Variants in DDX60L observed in about 807,000 individuals in gnomAD.
DDX60L encodes the protein DExD/H-box 60 like.
Under a neutral mutation model 211.6 loss-of-function variants are expected in DDX60L, and 191 were observed. The ratio of observed to expected loss-of-function variants is 0.90; its 90% CI spans 0.80 to 1.02. The LOEUF (loss-of-function observed/expected upper bound fraction) is 1.02. Among genes scored for constraint, DDX60L ranks in the 50% least tolerant of loss-of-function variants. The pLI, the probability that DDX60L is intolerant of heterozygous loss-of-function variation, is 0.00. For synonymous variants in DDX60L, 706 were observed against 694.1 expected (o/e 1.02, Z -0.27); for missense variants, 2,007 against 1,984.1 (o/e 1.01, Z -0.22).
intron 17 of DDX60L, among the ~76,000 whole-genome samples, chr4:168,421,346 A>G (rs1750568808): frequency 6.6e-6 from 1 of 152,236 alleles, no homozygotes; most frequent in Non-Finnish European, 1.5e-5. Flanking sequence ...TTAACATATG[A>G]GATGAAATAA....
In DDX60L at chr4:168,400,970, T is replaced by C. The variant is rs771230785; in HGVS notation, c.3347A>G (p.Asn1116Ser). The change falls in exon 26 of 38, where the codon AAT becomes AGT. Residue 1116 changes from asparagine to serine, a missense_variant. Physicochemically the swap from Asn to Ser is conservative, Grantham distance 46. Transcript: ENST00000682922. Reference sequence around the variant, plus strand: ...TCCAGCTCTTTTTCCCACATCATCATTCTTAAACCTTAAAACAAATGAAAA... The same window carrying C: ...TCCAGCTCTTTTTCCCACATCATCACTCTTAAACCTTAAAACAAATGAAAA... ...KLPAIFFLFK[N>S]DDVGKRAGSV... The C allele has an allele frequency of 6.2e-7, 1 of 1,611,986 alleles. No individual in the cohort carries two copies.
chr4:168,456,267 G>A (rs771468988), intron 6 of DDX60L, 115 bp from the exon 7 acceptor site: 83 of 488,528 alleles, frequency 1.7e-4, no homozygotes, highest in South Asian at 1.6e-3. Flanking sequence ...TTGACTAAAC[G>A]GAACTTCAAA....
At chr4:168,416,891 C>G (rs1406594018) in intron 19 of DDX60L, 94 bp from the exon 20 acceptor site, 8 of 642,950 alleles carry the variant, frequency 1.2e-5, no homozygotes, top group Non-Finnish European at 2.1e-5. Flanking sequence ...TTTCCAGTTT[C>G]CTATAAATGA....
At chr4:168,381,632 A>G (rs376494712) in intron 30 of DDX60L, among the ~76,000 whole-genome samples, 1 of 151,982 alleles carries the variant, frequency 6.6e-6, no homozygotes, top group African/African-American at 2.4e-5. Context: ...AAAGTAACAT[A>G]TAAGAATAAA....
chr4:168,413,644 G>T (rs577993993), intron 22 of DDX60L, among the ~76,000 whole-genome samples: 9 of 152,002 alleles, frequency 5.9e-5, no homozygotes, highest in African/African-American at 2.2e-4. Context: ...GTGAGCATTA[G>T]TGAGCCTGAA....
intron 1 of DDX60L, chr4:168,480,122 C>T (rs1256430821): frequency 6.6e-6 from 1 of 152,630 alleles, no homozygotes; most frequent in Admixed American, 6.5e-5. Context: ...ATCCCCAGGC[C>T]CCCTCGGGTG....
intron 16 of DDX60L, 92 bp downstream of exon 16, chr4:168,422,429 TAAG>T: frequency 8.3e-7 from 1 of 1,210,728 alleles, no homozygotes; most frequent in Non-Finnish European, 1.1e-6. Flanking sequence ...TAAACAAGAT[TAAG>T]AAGTTTATGC....
Position 168,458,749 on chromosome 4 carries a change from C to G in DDX60L, c.607-741G>C, listed in dbSNP as rs546849013. Reference sequence around the variant, plus strand: ...TGATAGGTGCAGCAAACCACCATGGCACACATTTACCTATGTAACAAACCT... The same window carrying G: ...TGATAGGTGCAGCAAACCACCATGGGACACATTTACCTATGTAACAAACCT... On this transcript the variant is annotated intron_variant, in intron 5 of 37. Coordinates refer to ENST00000682922, the MANE Select transcript of DDX60L (RefSeq NM_001012967.3). 5.3e-5 allele frequency among the ~76,000 whole-genome samples: 8 copies of G among 152,298 alleles called. No individual in the cohort carries two copies. In the South Asian group the frequency reaches 1.7e-3, roughly 32 times the overall value.
chr4:168,468,210 T>C, intron 4 of DDX60L, among the ~76,000 whole-genome samples: 1 of 120,378 alleles, frequency 8.3e-6, no homozygotes, highest in Admixed American at 1.0e-4. Flanking sequence ...AATTACAGAT[T>C]AATGTTTTTC....
chr4:168,452,205 TATG>T (rs1032500947), intron 8 of DDX60L, among the ~76,000 whole-genome samples: 118 of 152,380 alleles, frequency 7.7e-4, no homozygotes, highest in African/African-American at 2.4e-3. Context: ...TTAAAATGTC[TATG>T]ATAACAATTT....
rs543655576 is a variant in DDX60L at position 168,401,028 on chromosome 4, A to G, written c.3339-50T>C. 20 of 1,538,206 alleles carry G rather than the reference A, an allele frequency of 1.3e-5. No individual in the cohort carries two copies. In the African/African-American group the frequency reaches 1.4e-4, roughly 11 times the overall value. On this transcript the variant is annotated intron_variant, in intron 25 of 37. Transcript: ENST00000682922. ...TTGAAAAGACTATGTTTCTATCCAT[A>G]TTGTAAACCAAAAATAAAATTATAA...
chr4:168,391,547 T>C lies in DDX60L; in HGVS notation c.3908A>G (p.Tyr1303Cys), dbSNP rs1744816797. The C allele has an allele frequency of 6.3e-7, 1 of 1,594,680 alleles. No individual in the cohort carries two copies. Among genetic ancestry groups the C allele is most frequent in the African/African-American group, 1.3e-5 (1 of 74,412 alleles). The stretch of plus-strand genomic sequence containing the variant: ...AAAGAGTCAGAGAGTTACCTGTCTG[T>C]AATTTAAAGCATCCAGATAGACTGA... ...QDSVYLDALN[Y>C]RQMSGRAGRR... The change falls in exon 29 of 38, where the codon TAC becomes TGC. Residue 1303 changes from tyrosine to cysteine, a missense_variant. Tyr to Cys is a radical substitution (Grantham distance 194). Transcript: ENST00000682922.
chr4:168,453,091 T>C (rs776742944), intron 8 of DDX60L, 33 bp downstream of exon 8: 5 of 1,586,104 alleles, frequency 3.2e-6, no homozygotes, highest in South Asian at 2.3e-5. Context: ...TCATCTCTCA[T>C]GTTCAGACAA....
At chr4:168,475,125 A>G (rs1025093069) in intron 1 of DDX60L, among the ~76,000 whole-genome samples, 6 of 152,198 alleles carry the variant, frequency 3.9e-5, no homozygotes, top group Non-Finnish European at 8.8e-5. Context: ...TAATTCTACA[A>G]CTAACTAGTT....
chr4:168,360,599 A>G (rs1192661130), intron 37 of DDX60L, among the ~76,000 whole-genome samples: 1 of 152,252 alleles, frequency 6.6e-6, no homozygotes, highest in East Asian at 1.9e-4. Flanking sequence ...GGAGCTAGAC[A>G]AAAACTGGAT....
chr4:168,467,586 C>T (rs1758175912), intron 4 of DDX60L, among the ~76,000 whole-genome samples: 2 of 152,012 alleles, frequency 1.3e-5, no homozygotes, highest in Non-Finnish European at 1.5e-5. Flanking sequence ...CGGGCAAATC[C>T]CTTGACATAT....
intron 4 of DDX60L, among the ~76,000 whole-genome samples, chr4:168,463,565 A>C (rs1757598947): frequency 6.6e-6 from 1 of 152,118 alleles, no homozygotes; most frequent in South Asian, 2.1e-4. Context: ...CTACATAACA[A>C]ACCTGCACAT....
intron 5 of DDX60L, among the ~76,000 whole-genome samples, chr4:168,458,590 G>T (rs1756896708): frequency 6.6e-6 from 1 of 152,130 alleles, no homozygotes; most frequent in Non-Finnish European, 1.5e-5. Flanking sequence ...ACTTATAAGT[G>T]GGAGCTGAAC....
At chr4:168,396,251 C>T (rs1745771159) in intron 26 of DDX60L, 127 bp from the exon 27 acceptor site, 2 of 556,924 alleles carry the variant, frequency 3.6e-6, no homozygotes, top group African/African-American at 3.9e-5. Flanking sequence ...TCAATCCTGA[C>T]TTGGTCTCCC....
Sources: gnomAD v4.1 joint callset for allele counts (sites outside exome capture counted in the v4.1 genomes callset) on GRCh38, gnomAD v4.1.1 for gene constraint, MANE v1.5 for transcripts, NCBI Gene and HGNC (gene_info 2026-07-23, HGNC 2026-07-21) for gene names.